The following MYO10 variants were observed in gnomAD, a reference collection of about 807,000 sequenced individuals.
MYO10 encodes unconventional myosin-X.
In MYO10, 133 loss-of-function variants were observed where a neutral mutation model predicts 257.3. That is an observed-to-expected ratio of 0.52 (90% CI 0.45 to 0.60). The LOEUF (loss-of-function observed/expected upper bound fraction) is 0.60, where lower values mean the gene tolerates loss of function less well. Ranked by LOEUF, MYO10 falls within the 20% of genes least tolerant of loss-of-function variation. The pLI is 0.00. For missense variants in MYO10, 2,399 were observed against 2,635.7 expected (o/e 0.91, Z 1.97); for synonymous variants, 1,104 against 1,028.6 (o/e 1.07, Z -1.40).
At chr5:16,720,565 T>C (rs1294325091) in intron 19 of MYO10, among the ~76,000 whole-genome samples, 1 of 152,202 alleles carries the variant, frequency 6.6e-6, no homozygotes, top group Non-Finnish European at 1.5e-5. Flanking sequence ...GCAATTCTCC[T>C]GCCTCAGCCT....
chr5:16,740,311 C>G (rs1398560171), intron 19 of MYO10, among the ~76,000 whole-genome samples: 5 of 152,026 alleles, frequency 3.3e-5, no homozygotes, highest in Non-Finnish European at 7.4e-5. Flanking sequence ...GAGGGGGCTG[C>G]CCGTGAAAAC....
At chr5:16,679,743 TTGAACTCC>T (rs1237450846) in intron 33 of MYO10, among the ~76,000 whole-genome samples, 196 bp downstream of exon 33, 1 of 152,132 alleles carries the variant, frequency 6.6e-6, no homozygotes, top group Non-Finnish European at 1.5e-5. Context: ...CAGGTTGGTC[TTGAACTCC>T]TGACCTCAAG....
intron 19 of MYO10, among the ~76,000 whole-genome samples, chr5:16,712,108 G>C (rs997531109): frequency 1.3e-5 from 2 of 151,432 alleles, no homozygotes; most frequent in East Asian, 3.9e-4. Flanking sequence ...TGGCAGGTGA[G>C]GTGGGGGTGG....
At chr5:16,745,284 G>A (rs1314155671) in intron 19 of MYO10, among the ~76,000 whole-genome samples, 1 of 152,220 alleles carries the variant, frequency 6.6e-6, no homozygotes, top group Non-Finnish European at 1.5e-5. Flanking sequence ...GGAGGTTGCA[G>A]TGAGCCAAGA....
chr5:16,723,309 A>C (rs1739227734), intron 19 of MYO10, among the ~76,000 whole-genome samples: 1 of 152,090 alleles, frequency 6.6e-6, no homozygotes. Context: ...AATGGCGTGA[A>C]CCTGGGAGGC....
chr5:16,807,685 G>A (rs1481529155), intron 3 of MYO10, among the ~76,000 whole-genome samples: 3 of 152,058 alleles, frequency 2.0e-5, no homozygotes, highest in South Asian at 2.1e-4. Context: ...CAATATTTCC[G>A]TCTTTCCACA....
At chr5:16,694,714 G>A (rs1454524525) in intron 26 of MYO10, 100 bp from the exon 27 acceptor site, 52 of 1,479,478 alleles carry the variant, frequency 3.5e-5, no homozygotes, top group Non-Finnish European at 4.7e-5. Flanking sequence ...GCCGAGCTTA[G>A]ACTCTGCCCC....
At chr5:16,738,113 A>G (rs1579932581) in intron 19 of MYO10, 1 of 983,976 alleles carries the variant, frequency 1.0e-6, no homozygotes, top group Admixed American at 6.2e-5. Context: ...TGAGGTGGAA[A>G]TACACAGGGG....
chr5:16,703,192 G>T (rs1303045758), intron 22 of MYO10, 34 bp from the exon 23 acceptor site: 4 of 1,499,020 alleles, frequency 2.7e-6, no homozygotes, highest in Non-Finnish European at 3.7e-6. Context: ...AATCGGCATT[G>T]AAGTAATGAG....
intron 1 of MYO10, chr5:16,902,437 C>A (rs946583002): frequency 8.1e-6 from 10 of 1,241,048 alleles, no homozygotes; most frequent in Middle Eastern, 4.7e-4. Context: ...TGTAACTTCA[C>A]ATACAGCTTG....
chr5:16,909,291 G>A (rs1268429130), intron 1 of MYO10, among the ~76,000 whole-genome samples: 3 of 152,032 alleles, frequency 2.0e-5, no homozygotes, highest in African/African-American at 4.8e-5. Flanking sequence ...GGCGGATCAC[G>A]AGGTCAGGAG....
chr5:16,744,908 G>T (rs1740141149), intron 19 of MYO10, among the ~76,000 whole-genome samples: 1 of 152,180 alleles, frequency 6.6e-6, no homozygotes, highest in Non-Finnish European at 1.5e-5. Context: ...GCAGGAAAAT[G>T]TATTCTTATT....
intron 16 of MYO10, 58 bp from the exon 17 acceptor site, chr5:16,761,604 A>G: frequency 8.0e-7 from 1 of 1,249,608 alleles, no homozygotes; most frequent in South Asian, 1.3e-5. Context: ...TCAGGTCATA[A>G]GCAACTTCCC....
At chr5:16,902,107 G>A (rs901081928) in intron 1 of MYO10, among the ~76,000 whole-genome samples, 5 of 151,814 alleles carry the variant, frequency 3.3e-5, no homozygotes, top group African/African-American at 9.7e-5. Flanking sequence ...ATGCAGAGGC[G>A]CAATATGGGC....
chr5:16,881,848 A>G (rs1243562121), intron 1 of MYO10, among the ~76,000 whole-genome samples: 2 of 152,054 alleles, frequency 1.3e-5, no homozygotes, highest in Non-Finnish European at 2.9e-5. Context: ...GGAAAGAAAA[A>G]TTTGCCCACC....
At position 16,761,518 on chromosome 5, in the gene MYO10, T is replaced by G. The variant is rs1237953199; in HGVS notation, c.1685A>C (p.Glu562Ala). The change falls in exon 17 of 41, where the codon GAG (glutamate) becomes GCG (alanine). Residue 562 changes from glutamate (E) to alanine (A), a missense_variant. Physicochemically the swap from Glu to Ala is moderately radical, Grantham distance 107. Coordinates refer to ENST00000513610, the MANE Select transcript of MYO10 (RefSeq NM_012334.3). ...EVQYDVRGIL[E>A]KNRDTFRDDL... is the part of the protein sequence containing the mutation. ...ATCTCGAAATGTATCTCTGTTCTTCTCCAAGATACCTCGGACATCATATTG... is the reference window on the plus strand; with the variant it reads ...ATCTCGAAATGTATCTCTGTTCTTCGCCAAGATACCTCGGACATCATATTG... The G allele has an allele frequency of 6.2e-7, 1 of 1,613,348 alleles. No individual in the cohort carries two copies. The highest frequency in any genetic ancestry group is 8.5e-7 in the Non-Finnish European group (1 of 1,179,580).
At chr5:16,894,839 T>C (rs1227984074) in intron 1 of MYO10, among the ~76,000 whole-genome samples, 3 of 151,898 alleles carry the variant, frequency 2.0e-5, no homozygotes, top group Non-Finnish European at 4.4e-5. Flanking sequence ...CCCCACGGAG[T>C]AGAGGGAGGA....
At chr5:16,930,960 G>A (rs1270069075) in intron 1 of MYO10, among the ~76,000 whole-genome samples, 3 of 152,192 alleles carry the variant, frequency 2.0e-5, no homozygotes, top group African/African-American at 4.8e-5. Context: ...AGTCCAAACT[G>A]TTGAAACTCA....
intron 19 of MYO10, among the ~76,000 whole-genome samples, chr5:16,750,287 A>G (rs1347279244): frequency 1.3e-5 from 2 of 152,230 alleles, no homozygotes; most frequent in East Asian, 3.8e-4. Flanking sequence ...AAGGCTGTTT[A>G]TAGAAAAAGA....
Sources: gnomAD v4.1 joint callset for allele counts (sites outside exome capture counted in the v4.1 genomes callset) on GRCh38, gnomAD v4.1.1 for gene constraint, MANE v1.5 for transcripts, NCBI Gene and HGNC (gene_info 2026-07-23, HGNC 2026-07-21) for gene names.